INO80: variants seen among roughly 807,000 people sequenced by gnomAD.
INO80 encodes the protein INO80 complex ATPase subunit, also known as chromatin-remodeling ATPase INO80.
INO80 carries 20 observed loss-of-function variants against 203.4 expected under a neutral mutation model. The observed-to-expected ratio is 0.10, with a 90% CI of 0.07 to 0.14. The LOEUF (loss-of-function observed/expected upper bound fraction) is 0.14. INO80 is among the 10% of genes least tolerant of loss of function. INO80 has a pLI of 1.00. For missense variants in INO80, 1,419 were observed against 1,914.4 expected, an observed-to-expected ratio of 0.74 and a Z score of 4.83; for synonymous variants, 726 against 685.2, an observed-to-expected ratio of 1.06 and a Z score of -0.93.
chr15:41,026,787 T>C (rs1306134845), intron 25 of INO80, among the ~76,000 whole-genome samples: 1 of 152,240 alleles, frequency 6.6e-6, no homozygotes, highest in African/African-American at 2.4e-5. Context: ...ATTATTTCCC[T>C]TCTTGGTAGA....
rs1257534165 is a variant in INO80 at position 41,078,612 on chromosome 15, G to T, written c.1131+1089C>A. Among the ~76,000 whole-genome samples, 11 of 152,226 alleles carry T rather than the reference G, an allele frequency of 7.2e-5. No homozygotes were observed. In the East Asian group the frequency reaches 1.7e-3, roughly 24 times the overall value. ...AGGGAAGATCAAGAGCTCAGAAAAG[G>T]CTCCAAAGCTCCACTTTGACATGAG... is the stretch of plus-strand genomic sequence containing the variant. On this transcript the variant is annotated intron_variant, in intron 9 of 35. Transcript: ENST00000648947.
At position 40,995,903 on chromosome 15, in the gene INO80, GTACAGC is replaced by G. The variant is rs2043874618; in HGVS notation, c.3570+1620_3570+1625del. ...CCATAGTATGACAGATGCTGATGAT[GTACAGC>G]TACCCAGCAATGCCTCCAGTGGCCC... On this transcript the variant is annotated intron_variant, in intron 29 of 35. Coordinates refer to ENST00000648947, the MANE Select transcript of INO80 (RefSeq NM_017553.3). 2.0e-5 allele frequency among the ~76,000 whole-genome samples: 3 copies of G among 152,230 alleles called. No individual in the cohort carries two copies. The South Asian group carries it at 6.2e-4, about 32-fold the overall frequency.
At chr15:40,985,038 A>G (rs1478321172) in intron 32 of INO80, among the ~76,000 whole-genome samples, 1 of 152,170 alleles carries the variant, frequency 6.6e-6, no homozygotes, top group Admixed American at 6.5e-5. Context: ...ATGGAGCCTT[A>G]TAAGTAATGC....
At position 40,986,750 on chromosome 15, in the gene INO80, C is replaced by T. The variant is rs2043740499; in HGVS notation, c.3832+341G>A. ...AAGCAATTCTTCTGCTTTAGCTTCC[C>T]AAAGTGCTGGAATTACAGGTGCCCG... On this transcript the variant is annotated intron_variant, in intron 31 of 35. Coordinates refer to ENST00000648947, the MANE Select transcript of INO80 (RefSeq NM_017553.3). Among the ~76,000 whole-genome samples the T allele has an allele frequency of 2.6e-5, 4 of 152,224 alleles. No individual in the cohort carries two copies. In the South Asian group the frequency reaches 8.3e-4, roughly 32 times the overall value.
At chr15:41,081,116 T>C (rs1596315462) in intron 7 of INO80, 43 bp from the exon 8 acceptor site, 1 of 1,255,182 alleles carries the variant, frequency 8.0e-7, no homozygotes, top group East Asian at 2.3e-5. Context: ...GATTCATTTT[T>C]GAACTAAGAC....
At chr15:41,028,141 T>A (rs532862280) in intron 24 of INO80, among the ~76,000 whole-genome samples, 41 of 143,374 alleles carry the variant, frequency 2.9e-4, no homozygotes, top group Admixed American at 1.2e-3. Context: ...TCCTTCTAAA[T>A]TTTTTTTTTT....
At chr15:40,986,316 CTTTTTTTTT>C (rs551165963) in intron 31 of INO80, among the ~76,000 whole-genome samples, 2 of 90,674 alleles carry the variant, frequency 2.2e-5, no homozygotes, top group South Asian at 4.8e-4. Context: ...CTCCACAATG[CTTTTTTTTT>C]TTTTTTTTTT....
chr15:41,004,900 T>C (rs2044015208), intron 28 of INO80: 1 of 152,048 alleles, frequency 6.6e-6, no homozygotes, highest in African/African-American at 2.4e-5. Context: ...ACTCAGAAAG[T>C]GCTACTGTTA....
At chr15:41,110,538 A>C (rs1369873611) in intron 1 of INO80, among the ~76,000 whole-genome samples, 1 of 152,106 alleles carries the variant, frequency 6.6e-6, no homozygotes, top group Non-Finnish European at 1.5e-5. Flanking sequence ...TGCTGAGCTC[A>C]GGTGATCCTC....
intron 25 of INO80, among the ~76,000 whole-genome samples, chr15:41,026,844 A>G (rs1274107995): frequency 6.6e-6 from 1 of 152,208 alleles, no homozygotes; most frequent in Non-Finnish European, 1.5e-5. Flanking sequence ...AGGATGGAAG[A>G]TGTAGGCAAA....
Position 41,056,626 on chromosome 15 carries a change from G to A in INO80, c.2066C>T (p.Ala689Val), listed in dbSNP as rs2044989554. Reference sequence around the variant, plus strand: ...GTGACCTGGACTAGTGCCTACCTCTGCCATGGTGTTCTGAATTGGGGTCCC... The same window carrying A: ...GTGACCTGGACTAGTGCCTACCTCTACCATGGTGTTCTGAATTGGGGTCCC... ...LTGTPIQNTM[A>V]ELWALLHFIM... Residue 689 changes from alanine to valine, a missense_variant, in exon 17 of 36, where the codon GCA becomes GTA. Ala to Val is a moderately conservative substitution (Grantham distance 64). Coordinates refer to ENST00000648947, the MANE Select transcript of INO80 (RefSeq NM_017553.3). 6.2e-7 allele frequency: 1 copy of A among 1,611,206 alleles called. No homozygotes were observed. The highest frequency in any genetic ancestry group is 8.5e-7 in the Non-Finnish European group (1 of 1,177,434).
rs747414547 is a variant in INO80, at chr15:41,081,093, A to G, written c.874-20T>C. The G allele has an allele frequency of 1.0e-5, 15 of 1,496,724 alleles. No individual in the cohort carries two copies. The highest frequency in any genetic ancestry group is 5.0e-5 in the Admixed American group (3 of 59,558). 92.7% of individuals were successfully genotyped at this position (1,496,724 alleles called of 1,614,324 possible). The stretch of plus-strand genomic sequence containing the variant: ...ATTTGCCTAAAATATTTAAAAAACA[A>G]TATTTCATTTAGGATTCATTTTTGA... On this transcript the variant is annotated intron_variant, in intron 7 of 35. Transcript: ENST00000648947.
chr15:41,035,512 C>G (rs1333792147), intron 24 of INO80, among the ~76,000 whole-genome samples: 2 of 149,720 alleles, frequency 1.3e-5, no homozygotes, highest in African/African-American at 4.9e-5. Context: ...GGTGACAAAG[C>G]AAGACTACAT....
At chr15:41,023,524 T>A (rs1596267511) in intron 25 of INO80, among the ~76,000 whole-genome samples, 1 of 151,750 alleles carries the variant, frequency 6.6e-6, no homozygotes. Flanking sequence ...ATCCCAGCAG[T>A]TTGGGAGGCC....
chr15:41,080,327 C>T (rs2140624990), intron 8 of INO80, among the ~76,000 whole-genome samples: 1 of 152,230 alleles, frequency 6.6e-6, no homozygotes, highest in South Asian at 2.1e-4. Flanking sequence ...TGAGGAAACA[C>T]AGTTGAATGA....
At chr15:40,985,596 A>C (rs924823222) in intron 31 of INO80, among the ~76,000 whole-genome samples, 170 bp from the exon 32 acceptor site, 1 of 152,042 alleles carries the variant, frequency 6.6e-6, no homozygotes, top group African/African-American at 2.4e-5. Flanking sequence ...TTTTGGGTTT[A>C]AATCACACTC....
At chr15:41,102,063 C>T (rs899756633) in intron 1 of INO80, among the ~76,000 whole-genome samples, 4 of 152,032 alleles carry the variant, frequency 2.6e-5, no homozygotes, top group Non-Finnish European at 5.9e-5. Flanking sequence ...TGGTGGCACG[C>T]ACCTGTAGTC....
intron 1 of INO80, among the ~76,000 whole-genome samples, chr15:41,113,557 C>T (rs695203): frequency 5.6e-4 from 86 of 152,236 alleles, no homozygotes; most frequent in African/African-American, 1.9e-3. Context: ...CGTGAGCCAC[C>T]GCACCCGGCC....
intron 28 of INO80, among the ~76,000 whole-genome samples, chr15:41,000,706 C>CAAAA (rs58232890): frequency 5.2e-3 from 286 of 54,746 alleles, no homozygotes; most frequent in Middle Eastern, 0.025. Flanking sequence ...CACCCTGTCT[C>CAAAA]AAAAAAAAAA....
Sources: gnomAD v4.1 joint callset for allele counts (sites outside exome capture counted in the v4.1 genomes callset) on GRCh38, gnomAD v4.1.1 for gene constraint, MANE v1.5 for transcripts, NCBI Gene and HGNC (gene_info 2026-07-23, HGNC 2026-07-21) for gene names.